BTG1: variants seen among roughly 807,000 people sequenced by gnomAD.
The protein encoded by BTG1 is protein BTG1.
Under a neutral mutation model 15.2 loss-of-function variants are expected in BTG1, and 2 were observed. The ratio of observed to expected loss-of-function variants is 0.13; its 90% CI spans 0.05 to 0.41. The LOEUF (loss-of-function observed/expected upper bound fraction) is 0.41. Ranked by LOEUF, BTG1 falls within the 10% of genes least tolerant of loss-of-function variation. The pLI, the probability that BTG1 is intolerant of heterozygous loss-of-function variation, is 0.99. For missense variants in BTG1, 149 were observed against 215.0 expected, an observed-to-expected ratio of 0.69 and a Z score of 1.92; for synonymous variants, 109 against 82.4, an observed-to-expected ratio of 1.32 and a Z score of -1.75.
Position 92,145,461 on chromosome 12 carries a change from A to C in BTG1, c.75T>G (p.Phe25Leu). The C allele has an allele frequency of 6.3e-7, 1 of 1,591,982 alleles. No homozygotes were observed. The highest frequency in any genetic ancestry group is 2.4e-5 in the East Asian group (1 of 41,472). Residue 25 changes from phenylalanine to leucine, a missense_variant, in exon 1 of 2, where the codon TTT becomes TTG. Physicochemically the swap from Phe to Leu is conservative, Grantham distance 22 (BLOSUM62 0). Coordinates refer to ENST00000256015, the MANE Select transcript of BTG1 (RefSeq NM_001731.3). ...IAAAVSFISK[F>L]LRTKGLTSER... ...CGCTCGTGAGCCCCTTGGTGCGGAGAAACTTGGAGATGAAGGACACGGCGG... is the reference window on the plus strand; with the variant it reads ...CGCTCGTGAGCCCCTTGGTGCGGAGCAACTTGGAGATGAAGGACACGGCGG...
chr12:92,145,204 C>G, intron 1 of BTG1, 184 bp downstream of exon 1: 1 of 922,078 alleles, frequency 1.1e-6, no homozygotes, highest in Non-Finnish European at 1.5e-6. Context: ...CGCCCTCCGT[C>G]CAGCCCCTAA....
chr12:92,144,572 G>T, intron 1 of BTG1, 125 bp from the exon 2 acceptor site: 1 of 1,296,162 alleles, frequency 7.7e-7, no homozygotes. Flanking sequence ...AAATGTCCAG[G>T]ATTGCATCCG....
chr12:92,145,404 C>T lies in BTG1; in HGVS notation c.132G>A (p.Leu44=). Reference sequence around the variant, plus strand: ...CCTGCTCACCTGCCAGCAGCTCCTGCAGGCTCTGGCTGAAGGTCTGCAGCT... The same window carrying T: ...CCTGCTCACCTGCCAGCAGCTCCTGTAGGCTCTGGCTGAAGGTCTGCAGCT... ...ERQLQTFSQS[L]QELLAEHYKH... is the part of the protein sequence containing the mutation. The change falls in exon 1 of 2, where the codon CTG becomes CTA. Residue 44 remains leucine, a synonymous_variant. Coordinates refer to ENST00000256015, the MANE Select transcript of BTG1 (RefSeq NM_001731.3). The T allele has an allele frequency of 1.3e-6, 2 of 1,585,502 alleles. No homozygotes were observed. The highest frequency in any genetic ancestry group is 1.7e-6 in the Non-Finnish European group (2 of 1,167,470).
In BTG1 at chr12:92,140,519, T is replaced by A. The variant is rs191084881; in HGVS notation, c.*3561A>T. On this transcript the variant is annotated 3_prime_UTR_variant, in exon 2 of 2. Coordinates refer to ENST00000256015, the MANE Select transcript of BTG1 (RefSeq NM_001731.3). ...TAGGGATAAAGAAAATAAAGATCTATAGGCATAACCAGAAATCAGATCTCA... is the reference window on the plus strand; with the variant it reads ...TAGGGATAAAGAAAATAAAGATCTAAAGGCATAACCAGAAATCAGATCTCA... The A allele has an allele frequency of 8.7e-6, 2 of 230,640 alleles. No individual in the cohort carries two copies. Among genetic ancestry groups the A allele is most frequent in the African/African-American group, 4.4e-5 (2 of 45,314 alleles). The allele number at this position is 230,640 out of a possible 1,614,324, so 14.3% of individuals were successfully genotyped here. A position where few individuals can be genotyped will look rare whatever the true frequency, so the allele number is the denominator to read the frequency against.
At chr12:92,145,230 C>G (rs1252207963) in intron 1 of BTG1, 158 bp downstream of exon 1, 1 of 1,169,292 alleles carries the variant, frequency 8.6e-7, no homozygotes, top group African/African-American at 1.6e-5. Context: ...CGCGGGGAAC[C>G]GCTGTTAGCG....
rs1000216168 is a variant in BTG1, at chr12:92,143,859, T to A, written c.*221A>T. ...CTCCCTAGCAAATAAAGTGATCATT[T>A]ACTTGGACTCACAGGCTATTAAAAT... On this transcript the variant is annotated 3_prime_UTR_variant, in exon 2 of 2. Coordinates refer to ENST00000256015, the MANE Select transcript of BTG1 (RefSeq NM_001731.3). The A allele has an allele frequency of 1.5e-5, 8 of 524,890 alleles. No individual in the cohort carries two copies. The Admixed American group carries it at 3.2e-4, about 21-fold the overall frequency. The allele number at this position is 524,890 out of a possible 1,614,324, so 32.5% of individuals were successfully genotyped here. A position where few individuals can be genotyped will look rare whatever the true frequency, so the allele number is the denominator to read the frequency against.
chr12:92,144,574 T>C (rs1024684684), intron 1 of BTG1, 127 bp from the exon 2 acceptor site: 4 of 1,276,086 alleles, frequency 3.1e-6, no homozygotes, highest in Non-Finnish European at 4.3e-6. Context: ...ATGTCCAGGA[T>C]TGCATCCGTT....
rs368184293 is a variant in BTG1 at position 92,144,245 on chromosome 12, C to A, written c.351G>T (p.Glu117Asp). The change falls in exon 2 of 2, where the codon GAG becomes GAT. Residue 117 changes from glutamate to aspartate, a missense_variant. By Grantham distance (45) the Glu-to-Asp change is conservative. Coordinates refer to ENST00000256015, the MANE Select transcript of BTG1 (RefSeq NM_001731.3). ...DPYEVSYRIG[E>D]DGSICVLYEA... ...CATACAGCACACAGATGGAGCCATC[C>A]TCTCCAATTCTGTAGGACACTTCAT... The A allele has an allele frequency of 6.2e-7, 1 of 1,614,104 alleles. No individual in the cohort carries two copies. Among genetic ancestry groups the A allele is most frequent in the African/African-American group, 1.3e-5 (1 of 74,940 alleles).
chr12:92,143,328 G>C lies in BTG1; in HGVS notation c.*752C>G, dbSNP rs757146409. The C allele has an allele frequency of 1.7e-5, 4 of 232,756 alleles. No homozygotes were observed. The highest frequency in any genetic ancestry group is 1.2e-3 in the Middle Eastern group (1 of 804). 14.4% of individuals were successfully genotyped at this position (232,756 alleles called of 1,614,324 possible). On this transcript the variant is annotated 3_prime_UTR_variant, in exon 2 of 2. Transcript: ENST00000256015. ...GTGGAAAAGACTTTTACCCAATTAAGTACAAGGAAAGTTACAAACCAGACC... is the reference window on the plus strand; with the variant it reads ...GTGGAAAAGACTTTTACCCAATTAACTACAAGGAAAGTTACAAACCAGACC...
At chr12:92,145,299 G>A (rs1350597768) in intron 1 of BTG1, 89 bp downstream of exon 1, 11 of 1,353,880 alleles carry the variant, frequency 8.1e-6, no homozygotes, top group East Asian at 3.0e-5. Context: ...CGGCCCCGGG[G>A]CGCTGCCGAG....
chr12:92,144,691 G>C (rs967264429), intron 1 of BTG1, among the ~76,000 whole-genome samples: 3 of 152,186 alleles, frequency 2.0e-5, no homozygotes, highest in African/African-American at 7.2e-5. Flanking sequence ...GCCAAAACAG[G>C]AATCAGGCGC....
rs1233314687 is a variant in BTG1 at position 92,145,634 on chromosome 12, TGAGAGGAA to T, written c.-107_-100del. ...CGGGCTTCCTCACCGGGCGGAAGGC[TGAGAGGAA>T]GAGAGGGCGTGAGGGGCGGACGACT... is the stretch of plus-strand genomic sequence containing the variant. On this transcript the variant is annotated 5_prime_UTR_variant, in exon 1 of 2. Transcript: ENST00000256015. The T allele has an allele frequency of 5.7e-6, 5 of 876,900 alleles. No homozygotes were observed. Among genetic ancestry groups the T allele is most frequent in the African/African-American group, 1.8e-5 (1 of 55,954 alleles). 54.3% of individuals were successfully genotyped at this position (876,900 alleles called of 1,614,324 possible).
At position 92,141,694 on chromosome 12, in the gene BTG1, A is replaced by G. The variant is rs1364453026; in HGVS notation, c.*2386T>C. On this transcript the variant is annotated 3_prime_UTR_variant, in exon 2 of 2. Transcript: ENST00000256015. ...TCAATTGTCTGGGGAAGGTAAGGTT[A>G]AAGTCACAGGAAACAGCTGGTCTCA... 4.3e-6 allele frequency: 1 copy of G among 232,388 alleles called. No individual in the cohort carries two copies. The highest frequency in any genetic ancestry group is 8.5e-6 in the Non-Finnish European group (1 of 117,550). The allele number at this position is 232,388 out of a possible 1,614,324, so 14.4% of individuals were successfully genotyped here.
chr12:92,141,335 A>G lies in BTG1; in HGVS notation c.*2745T>C. On this transcript the variant is annotated 3_prime_UTR_variant, in exon 2 of 2. Coordinates refer to ENST00000256015, the MANE Select transcript of BTG1 (RefSeq NM_001731.3). ...ACATGAGATTCCCATTCCAGATGAC[A>G]AAGATAACAGCCGCATTATCCTGCA... The G allele has an allele frequency of 4.3e-6, 1 of 232,728 alleles. No individual in the cohort carries two copies. Among genetic ancestry groups the G allele is most frequent in the Non-Finnish European group, 8.5e-6 (1 of 117,700 alleles). 14.4% of individuals were successfully genotyped at this position (232,728 alleles called of 1,614,324 possible).
chr12:92,145,507 G>A lies in BTG1; in HGVS notation c.29C>T (p.Thr10Ile), dbSNP rs1185791228. 1.3e-6 allele frequency: 2 copies of A among 1,579,056 alleles called. No individual in the cohort carries two copies. Among genetic ancestry groups the A allele is most frequent in the Non-Finnish European group, 1.7e-6 (2 of 1,164,400 alleles). MHPFYTRAATMIGEIAAAVS... is the reference protein window; with the variant it reads MHPFYTRAAIMIGEIAAAVS... ...GGCGGCGGCGATCTCGCCTATCATGGTGGCGGCCCGGGTGTAGAAGGGATG... is the reference window on the plus strand; with the variant it reads ...GGCGGCGGCGATCTCGCCTATCATGATGGCGGCCCGGGTGTAGAAGGGATG... The change falls in exon 1 of 2, where the codon ACC (threonine) becomes ATC (isoleucine). Residue 10 changes from threonine to isoleucine, a missense_variant. Transcript: ENST00000256015.
At position 92,143,896 on chromosome 12, in the gene BTG1, A is replaced by G. The variant is rs1250897719; in HGVS notation, c.*184T>C. On this transcript the variant is annotated 3_prime_UTR_variant, in exon 2 of 2. Transcript: ENST00000256015. ...CAGGCTATTAAAATTAATCATTGAA[A>G]GGTACTGTCCAAACTATGGCACTGT... is the stretch of plus-strand genomic sequence containing the variant. 1 of 610,392 alleles carries G rather than the reference A, an allele frequency of 1.6e-6. No homozygotes were observed. The highest frequency in any genetic ancestry group is 2.7e-6 in the Non-Finnish European group (1 of 368,044). The allele number at this position is 610,392 out of a possible 1,614,324, so 37.8% of individuals were successfully genotyped here.
chr12:92,143,306 GAA>G lies in BTG1; in HGVS notation c.*772_*773del. ...TTCACAAAATAGATGGTGGTTTGTG[GAA>G]AAGACTTTTACCCAATTAAGTACAA... On this transcript the variant is annotated 3_prime_UTR_variant, in exon 2 of 2. Transcript: ENST00000256015. The G allele has an allele frequency of 4.3e-6, 1 of 232,916 alleles. No individual in the cohort carries two copies. The highest frequency in any genetic ancestry group is 8.5e-6 in the Non-Finnish European group (1 of 117,604). 14.4% of individuals were successfully genotyped at this position (232,916 alleles called of 1,614,324 possible).
chr12:92,141,957 T>C lies in BTG1; in HGVS notation c.*2123A>G, dbSNP rs766628353. On this transcript the variant is annotated 3_prime_UTR_variant, in exon 2 of 2. Transcript: ENST00000256015. ...AATGGAGTTACCAGATGAAATGTAG[T>C]TGGTAAACAACAGTAGTCAGCACTG... The C allele has an allele frequency of 3.4e-5, 8 of 232,298 alleles. No individual in the cohort carries two copies. The East Asian group carries it at 4.3e-4, about 12-fold the overall frequency. The allele number at this position is 232,298 out of a possible 1,614,324, so 14.4% of individuals were successfully genotyped here.
intron 1 of BTG1, 21 bp downstream of exon 1, chr12:92,145,367 C>A: frequency 6.5e-7 from 1 of 1,530,194 alleles, no homozygotes; most frequent in East Asian, 2.7e-5. Context: ...CGCGTCCCTC[C>A]GACGCCCTCG....
Sources: allele counts gnomAD v4.1 joint callset (sites outside exome capture counted in the v4.1 genomes callset), GRCh38; gene constraint gnomAD v4.1.1; transcripts MANE v1.5; gene names NCBI Gene and HGNC (gene_info 2026-07-23, HGNC 2026-07-21).